The following CDYL2 variants were observed in gnomAD, a reference collection of about 807,000 sequenced individuals.
CDYL2 encodes chromodomain Y like 2.
In CDYL2, 23 loss-of-function variants were observed where a neutral mutation model predicts 49.4. The observed-to-expected ratio is 0.47, with a 90% confidence interval of 0.34 to 0.66. The LOEUF is 0.66. Ranked by LOEUF, CDYL2 falls within the 30% of genes least tolerant of loss-of-function variation. CDYL2 has a pLI of 0.01. For missense variants in CDYL2, 678 were observed against 656.4 expected, an observed-to-expected ratio of 1.03 and a Z score of -0.36; for synonymous variants, 360 against 268.8, an observed-to-expected ratio of 1.34 and a Z score of -3.32.
chr16:80,651,138 T>C (rs1908565144), intron 2 of CDYL2, among the ~76,000 whole-genome samples: 1 of 152,182 alleles, frequency 6.6e-6, no homozygotes, highest in Non-Finnish European at 1.5e-5. Context: ...AAGGAATAAA[T>C]GCTTGAGAGG....
chr16:80,611,479 C>G (rs79746435), intron 5 of CDYL2, among the ~76,000 whole-genome samples: 2,370 of 152,258 alleles, frequency 0.016, 69 homozygotes, highest in African/African-American at 0.053. Context: ...AAAGGAAGCC[C>G]AGACCCAGCA....
chr16:80,700,401 A>G (rs1010796565), intron 1 of CDYL2, among the ~76,000 whole-genome samples: 1 of 152,228 alleles, frequency 6.6e-6, no homozygotes, highest in African/African-American at 2.4e-5. Flanking sequence ...TTAAATGACA[A>G]TGGACTGAGA....
intron 1 of CDYL2, among the ~76,000 whole-genome samples, chr16:80,739,989 T>G (rs889169432): frequency 6.6e-6 from 1 of 152,140 alleles, no homozygotes. Context: ...CTGTCTTTGC[T>G]AGGGTCTTCC....
rs113533691 is a variant in CDYL2 at position 80,691,001 on chromosome 16, G to C, written c.25-5872C>G. On this transcript the variant is annotated intron_variant, in intron 1 of 6. Coordinates refer to ENST00000570137, the MANE Select transcript of CDYL2 (RefSeq NM_152342.4). ...TCTTCCCAACACATGGCACTGGATTGAGAAATTGTGGGTTTACTAGTACAT... is the reference window on the plus strand; with the variant it reads ...TCTTCCCAACACATGGCACTGGATTCAGAAATTGTGGGTTTACTAGTACAT... Among the ~76,000 whole-genome samples the C allele has an allele frequency of 9.1e-4, 139 of 152,226 alleles. 1 individual carries two copies. The highest frequency in any genetic ancestry group is 3.4e-3 in the Middle Eastern group (1 of 294).
intron 1 of CDYL2, among the ~76,000 whole-genome samples, chr16:80,794,060 T>C (rs1208076928): frequency 1.3e-5 from 2 of 152,248 alleles, no homozygotes; most frequent in Non-Finnish European, 2.9e-5. Flanking sequence ...TCCTGAAGTT[T>C]GAAATCAGAG....
chr16:80,702,293 T>A (rs1904305820), intron 1 of CDYL2, among the ~76,000 whole-genome samples: 2 of 152,056 alleles, frequency 1.3e-5, no homozygotes, highest in South Asian at 4.1e-4. Flanking sequence ...ACATCCCATG[T>A]TCAAAATAAT....
rs555629173 is a variant in CDYL2, at chr16:80,680,894, T to C, written c.616+3644A>G. On this transcript the variant is annotated intron_variant, in intron 2 of 6. Transcript: ENST00000570137. ...CATTCAACTGGGATACAGCCCGTTT[T>C]AACAAGCTCCCCAAGAGATACTGAG... 3.9e-5 allele frequency among the ~76,000 whole-genome samples: 6 copies of C among 152,204 alleles called. No homozygotes were observed. The South Asian group carries it at 1.2e-3, about 32-fold the overall frequency.
intron 3 of CDYL2, among the ~76,000 whole-genome samples, chr16:80,628,845 G>T (rs945010717): frequency 6.6e-6 from 1 of 152,080 alleles, no homozygotes; most frequent in Non-Finnish European, 1.5e-5. Context: ...AATGGAGGAG[G>T]GGGGGGATAT....
Position 80,633,151 on chromosome 16 carries a change from T to G in CDYL2, c.702A>C (p.Lys234Asn). 6.2e-7 allele frequency: 1 copy of G among 1,614,216 alleles called. No homozygotes were observed. Among genetic ancestry groups the G allele is most frequent in the Non-Finnish European group, 8.5e-7 (1 of 1,180,032 alleles). Residue 234 changes from lysine (K) to asparagine (N), a missense_variant, in exon 3 of 7, where the codon AAA becomes AAC. By Grantham distance (94) the Lys-to-Asn change is moderately conservative. Around this residue, in one of 3 missense-constraint regions of CDYL2, gnomAD observed 478 missense variants for 427.0 expected, o/e 1.12. Coordinates refer to ENST00000570137, the MANE Select transcript of CDYL2 (RefSeq NM_152342.4). ...TCTGGCGGACACTGTATCTGAGCCT[T>G]TTGTCAAAGACGTAGTCCTTCTCCG... is the stretch of plus-strand genomic sequence containing the variant. ...LEAEKDYVFD[K>N]RLRYSVRQNE...
At chr16:80,703,573 C>T (rs1457928881) in intron 1 of CDYL2, among the ~76,000 whole-genome samples, 2 of 152,174 alleles carry the variant, frequency 1.3e-5, no homozygotes, top group Non-Finnish European at 2.9e-5. Flanking sequence ...ATCCCCATCA[C>T]CCTGTGGTGG....
chr16:80,788,951 T>C (rs1248633827), intron 1 of CDYL2, among the ~76,000 whole-genome samples: 1 of 152,148 alleles, frequency 6.6e-6, no homozygotes, highest in African/African-American at 2.4e-5. Flanking sequence ...CATTAAAAAC[T>C]GGGCAAAGGA....
intron 2 of CDYL2, among the ~76,000 whole-genome samples, chr16:80,649,912 A>T (rs1908513908): frequency 6.7e-6 from 1 of 149,232 alleles, no homozygotes; most frequent in Admixed American, 6.6e-5. Flanking sequence ...GAATATCCAT[A>T]TTCAGAAGAA....
At chr16:80,758,305 T>G (rs189660691) in intron 1 of CDYL2, among the ~76,000 whole-genome samples, 1 of 151,378 alleles carries the variant, frequency 6.6e-6, no homozygotes, top group African/African-American at 2.4e-5. Flanking sequence ...AACTTACATA[T>G]AGAAGTAATA....
chr16:80,708,828 G>A lies in CDYL2; in HGVS notation c.25-23699C>T, dbSNP rs114128777. ...AGGTTGTTCTCAGTTCCAAAGCATC[G>A]AGATAGAGCAGACAGGAATCTGGTA... On this transcript the variant is annotated intron_variant, in intron 1 of 6. Coordinates refer to ENST00000570137, the MANE Select transcript of CDYL2 (RefSeq NM_152342.4). 4.3e-3 allele frequency among the ~76,000 whole-genome samples: 651 copies of A among 151,982 alleles called. 5 individuals are homozygous for A. Among genetic ancestry groups the A allele is most frequent in the African/African-American group, 0.015 (622 of 41,432 alleles).
intron 1 of CDYL2, among the ~76,000 whole-genome samples, chr16:80,771,053 T>C (rs1258063137): frequency 6.6e-6 from 1 of 152,206 alleles, no homozygotes; most frequent in Non-Finnish European, 1.5e-5. Context: ...CCCAAACTCA[T>C]AAAGACCATT....
chr16:80,608,223 G>A lies in CDYL2; in HGVS notation c.1231C>T (p.Leu411=), dbSNP rs760732086. 2.5e-6 allele frequency: 4 copies of A among 1,577,288 alleles called. No homozygotes were observed. Among genetic ancestry groups the A allele is most frequent in the Non-Finnish European group, 3.4e-6 (4 of 1,160,466 alleles). ...GCGGTGAGCTTCCGCCCACAGAACA[G>A]CATCTCATTGGCCTGAAAAAGCAAA... is the stretch of plus-strand genomic sequence containing the variant. ...ILGVALANEM[L]FCGRKLTAQE... The change falls in exon 6 of 7, where the codon CTG becomes TTG. Residue 411 remains leucine, a synonymous_variant. Transcript: ENST00000570137.
intron 2 of CDYL2, among the ~76,000 whole-genome samples, chr16:80,643,649 T>C (rs575627881): frequency 2.0e-5 from 3 of 152,346 alleles, no homozygotes; most frequent in South Asian, 4.1e-4. Context: ...TGGGCACTCA[T>C]AGGCTCAACA....
intron 1 of CDYL2, among the ~76,000 whole-genome samples, chr16:80,797,785 C>T (rs745819693): frequency 6.6e-6 from 1 of 152,146 alleles, no homozygotes; most frequent in Non-Finnish European, 1.5e-5. Flanking sequence ...CACTCCATCG[C>T]CATTACCACT....
At chr16:80,701,125 A>G (rs1410128663) in intron 1 of CDYL2, among the ~76,000 whole-genome samples, 1 of 152,252 alleles carries the variant, frequency 6.6e-6, no homozygotes, top group African/African-American at 2.4e-5. Flanking sequence ...ATCCATCCGC[A>G]TACAACCAAT....
Sources: allele counts gnomAD v4.1 joint callset (sites outside exome capture counted in the v4.1 genomes callset), GRCh38; gene constraint gnomAD v4.1.1; regional missense constraint gnomAD v4.1.1; transcripts MANE v1.5; gene names NCBI Gene and HGNC (gene_info 2026-07-23, HGNC 2026-07-21).